SMYD3: variants seen among roughly 807,000 people sequenced by gnomAD.
SMYD3 encodes histone-lysine N-methyltransferase SMYD3.
A neutral mutation model predicts 57.7 loss-of-function variants in SMYD3; 36 were observed. The ratio of observed to expected loss-of-function variants is 0.62; its 90% CI spans 0.48 to 0.82. The LOEUF (loss-of-function observed/expected upper bound fraction) is 0.82, where lower values mean the gene tolerates loss of function less well. Ranked by LOEUF, SMYD3 falls within the 40% of genes least tolerant of loss-of-function variation. SMYD3 has a pLI of 0.00. For missense variants in SMYD3, 515 were observed against 538.8 expected (o/e 0.96, Z 0.44); for synonymous variants, 211 against 195.0 (o/e 1.08, Z -0.68).
At chr1:245,793,757 G>A (rs1015825095) in intron 10 of SMYD3, among the ~76,000 whole-genome samples, 1 of 151,974 alleles carries the variant, frequency 6.6e-6, no homozygotes, top group South Asian at 2.1e-4. Context: ...TTAGGCTAAC[G>A]TGCAAATCCC....
At chr1:245,978,154 C>T (rs2058497913) in intron 5 of SMYD3, among the ~76,000 whole-genome samples, 1 of 152,162 alleles carries the variant, frequency 6.6e-6, no homozygotes, top group Non-Finnish European at 1.5e-5. Context: ...CAAGTCGGAA[C>T]ATCCAGAGAC....
chr1:246,314,334 G>A (rs2065123781), intron 5 of SMYD3, among the ~76,000 whole-genome samples: 1 of 152,202 alleles, frequency 6.6e-6, no homozygotes, highest in Non-Finnish European at 1.5e-5. Flanking sequence ...ACAGAATGCA[G>A]TATGGTGGAA....
chr1:246,154,252 G>A (rs1421769898), intron 5 of SMYD3, among the ~76,000 whole-genome samples: 4 of 152,136 alleles, frequency 2.6e-5, no homozygotes, highest in Non-Finnish European at 4.4e-5. Flanking sequence ...TACTAACTAT[G>A]GAAAAAGTTA....
intron 5 of SMYD3, among the ~76,000 whole-genome samples, chr1:245,971,478 C>T (rs980398201): frequency 6.6e-6 from 1 of 152,084 alleles, no homozygotes; most frequent in African/African-American, 2.4e-5. Flanking sequence ...ATTTGAGTAG[C>T]TCATTGCACC....
At chr1:245,788,168 A>C (rs2047123028) in intron 10 of SMYD3, among the ~76,000 whole-genome samples, 1 of 152,010 alleles carries the variant, frequency 6.6e-6, no homozygotes. Flanking sequence ...TGGTGACCAG[A>C]CTAGCACAGG....
chr1:246,013,110 A>T (rs1216924988), intron 5 of SMYD3, among the ~76,000 whole-genome samples: 1 of 152,210 alleles, frequency 6.6e-6, no homozygotes, highest in Non-Finnish European at 1.5e-5. Flanking sequence ...TTTAAATAGG[A>T]GAAAAGTGCC....
chr1:246,211,452 A>G (rs1031003094), intron 5 of SMYD3, among the ~76,000 whole-genome samples: 1 of 152,124 alleles, frequency 6.6e-6, no homozygotes, highest in Non-Finnish European at 1.5e-5. Flanking sequence ...CTTATTAACC[A>G]ATAACAACAA....
At chr1:246,291,333 T>C (rs1014655052) in intron 5 of SMYD3, among the ~76,000 whole-genome samples, 5 of 152,330 alleles carry the variant, frequency 3.3e-5, no homozygotes, top group South Asian at 2.1e-4. Context: ...AAGAGTTGCA[T>C]GGAAAGTATA....
rs550315216 is a variant in SMYD3 at position 246,171,992 on chromosome 1, C to G, written c.531+155209G>C. On this transcript the variant is annotated intron_variant, in intron 5 of 11. Coordinates refer to ENST00000490107, the MANE Select transcript of SMYD3 (RefSeq NM_001167740.2). The stretch of plus-strand genomic sequence containing the variant: ...CATCACTGCATTCCATCCTGGGTGA[C>G]AGACTATGACTTTATCTCATGAAGG... Among the ~76,000 whole-genome samples, 29 of 152,288 alleles carry G rather than the reference C, an allele frequency of 1.9e-4. No individual in the cohort carries two copies. In the South Asian group the frequency reaches 5.0e-3, roughly 26 times the overall value.
intron 5 of SMYD3, among the ~76,000 whole-genome samples, chr1:246,137,530 T>C (rs955983675): frequency 6.6e-6 from 1 of 152,242 alleles, no homozygotes; most frequent in Non-Finnish European, 1.5e-5. Context: ...ATTAAGTTTT[T>C]TAAAGTATCA....
intron 5 of SMYD3, among the ~76,000 whole-genome samples, chr1:246,039,571 G>T (rs2059833484): frequency 2.0e-5 from 3 of 152,170 alleles, no homozygotes; most frequent in Non-Finnish European, 4.4e-5. Context: ...TACAAACTGA[G>T]ATTTCATGTC....
At chr1:246,360,095 G>T (rs1196801476) in intron 1 of SMYD3, among the ~76,000 whole-genome samples, 1 of 152,096 alleles carries the variant, frequency 6.6e-6, no homozygotes, top group Non-Finnish European at 1.5e-5. Flanking sequence ...CCTCGAACTA[G>T]TACATGAATT....
chr1:246,490,355 G>A (rs2068250953), intron 1 of SMYD3, among the ~76,000 whole-genome samples: 1 of 152,156 alleles, frequency 6.6e-6, no homozygotes, highest in Admixed American at 6.5e-5. Flanking sequence ...TGTCTCAGAT[G>A]TTATCTGCAG....
At chr1:246,144,278 A>G (rs915364355) in intron 5 of SMYD3, among the ~76,000 whole-genome samples, 4 of 152,242 alleles carry the variant, frequency 2.6e-5, no homozygotes, top group African/African-American at 9.6e-5. Flanking sequence ...CAGCCTAAAA[A>G]TTCTAACACA....
Position 246,355,037 on chromosome 1 carries a change from C to CT in SMYD3, c.221dup (p.Cys75ValfsTer17). Reference sequence around the variant, plus strand: ...TATGGCTGAAAAGTCTTACCTGACACTTAGCACTACAGTATTTGGCGACGC... The same window carrying CT: ...TATGGCTGAAAAGTCTTACCTGACACTTTAGCACTACAGTATTTGGCGACGC... On this transcript the variant is annotated frameshift_variant, in exon 2 of 12. Transcript: ENST00000490107. LOFTEE classifies it high-confidence loss of function. This position sits in a 1 kb window ranked among gnomAD's most constrained non-coding sequence, Gnocchi z 5.0. 6.2e-7 allele frequency: 1 copy of CT among 1,614,102 alleles called. No individual in the cohort carries two copies. Among genetic ancestry groups the CT allele is most frequent in the Non-Finnish European group, 8.5e-7 (1 of 1,179,966 alleles).
intron 5 of SMYD3, among the ~76,000 whole-genome samples, chr1:246,148,157 G>A (rs1055922315): frequency 6.6e-6 from 1 of 152,160 alleles, no homozygotes; most frequent in Non-Finnish European, 1.5e-5. Flanking sequence ...TGCCTCGTCT[G>A]GGTGCACATG....
chr1:246,491,696 G>A (rs1408126222), intron 1 of SMYD3, among the ~76,000 whole-genome samples: 1 of 152,178 alleles, frequency 6.6e-6, no homozygotes, highest in Non-Finnish European at 1.5e-5. Flanking sequence ...CTAGAGAGGA[G>A]CTGCCCCTGG....
intron 5 of SMYD3, among the ~76,000 whole-genome samples, chr1:245,936,704 G>A (rs2056995970): frequency 6.6e-6 from 1 of 152,154 alleles, no homozygotes; most frequent in Non-Finnish European, 1.5e-5. Context: ...AGACCAGCTT[G>A]GGCAACATGG....
chr1:246,064,262 G>A (rs776000475), intron 5 of SMYD3, among the ~76,000 whole-genome samples: 6 of 152,080 alleles, frequency 3.9e-5, no homozygotes, highest in African/African-American at 7.2e-5. Context: ...TCAACCTCCC[G>A]AGCATAGTGG....
Sources: gnomAD v4.1 joint callset for allele counts (sites outside exome capture counted in the v4.1 genomes callset) on GRCh38, gnomAD v4.1.1 for gene constraint, Gnocchi (gnomAD v3.1) non-coding constraint, MANE v1.5 for transcripts, NCBI Gene and HGNC (gene_info 2026-07-23, HGNC 2026-07-21) for gene names.